The following CAST variants were observed in gnomAD, a reference collection of about 807,000 sequenced individuals.
CAST encodes MIR583 host.
Under a neutral mutation model 119.6 loss-of-function variants are expected in CAST, and 76 were observed. That is an observed-to-expected ratio of 0.64 (90% CI 0.53 to 0.77). The LOEUF is 0.77. CAST is among the 30% of genes least tolerant of loss of function. CAST has a pLI of 0.00. For synonymous variants in CAST, 319 were observed against 331.6 expected, an observed-to-expected ratio of 0.96 and a Z score of 0.41; for missense variants, 953 against 946.5, an observed-to-expected ratio of 1.01 and a Z score of -0.09.
chr5:96,714,752 G>GA (rs1276575551), intron 3 of CAST: 1 of 152,168 alleles, frequency 6.6e-6, no homozygotes, highest in African/African-American at 2.4e-5. Context: ...TCTATTCTTT[G>GA]ATGACTGACC....
the CAST span, among the ~76,000 whole-genome samples, chr5:96,197,050 T>C: frequency 6.6e-6 from 1 of 152,216 alleles, no homozygotes; most frequent in South Asian, 2.1e-4. Context: ...CTTGAACTTG[T>C]ATTTTTTGGC....
chr5:96,707,392 CTT>C (rs113091379), intron 3 of CAST, among the ~76,000 whole-genome samples: 1 of 145,394 alleles, frequency 6.9e-6, no homozygotes, highest in Non-Finnish European at 1.5e-5. Flanking sequence ...TTTAGTTAAC[CTT>C]TTTTTTTTTT....
At chr5:96,105,874 C>A in the CAST span, among the ~76,000 whole-genome samples, 2 of 152,040 alleles carry the variant, frequency 1.3e-5, no homozygotes, top group Admixed American at 1.3e-4. Context: ...CTGGACTCTT[C>A]TTGGTTGGTA....
intron 1 of CAST, among the ~76,000 whole-genome samples, chr5:96,596,450 C>T (rs887889805): frequency 6.6e-6 from 1 of 152,202 alleles, no homozygotes; most frequent in Admixed American, 6.5e-5. Flanking sequence ...CTCAATCAAA[C>T]TGATTTTTTG....
chr5:96,166,464 T>A, the CAST span, among the ~76,000 whole-genome samples: 1 of 152,158 alleles, frequency 6.6e-6, no homozygotes, highest in African/African-American at 2.4e-5. Context: ...GTGTGTGCCC[T>A]TCAGCTCACA....
At position 96,743,675 on chromosome 5, in the gene CAST, G is replaced by T. The variant is rs759899448; in HGVS notation, c.1200+919G>T. ...TTTCTTGGAGGGCTCACCGGCCACA[G>T]TGTGGCACGATAAGCTTTGTGACGG... On this transcript the variant is annotated intron_variant, in intron 16 of 31. Coordinates refer to ENST00000675179, the MANE Select transcript of CAST (RefSeq NM_001750.7). 3.7e-6 allele frequency: 6 copies of T among 1,613,168 alleles called. No individual in the cohort carries two copies. The African/African-American group carries it at 8.0e-5, about 22-fold the overall frequency.
chr5:96,689,407 AG>A (rs1752462395), intron 2 of CAST, among the ~76,000 whole-genome samples: 1 of 152,208 alleles, frequency 6.6e-6, no homozygotes, highest in Non-Finnish European at 1.5e-5. Context: ...AGGTATTTCT[AG>A]GTAATATATT....
chr5:96,539,210 C>T (rs1335900196), intron 1 of CAST, among the ~76,000 whole-genome samples: 1 of 152,020 alleles, frequency 6.6e-6, no homozygotes, highest in Non-Finnish European at 1.5e-5. Context: ...TGAGAAAAAC[C>T]GAAAAACTTA....
the CAST span, among the ~76,000 whole-genome samples, chr5:96,296,833 A>G: frequency 6.6e-6 from 1 of 152,198 alleles, no homozygotes; most frequent in Admixed American, 6.5e-5. Flanking sequence ...AGTTTTAATC[A>G]TGGACTGGTT....
the CAST span, among the ~76,000 whole-genome samples, chr5:96,353,567 T>C: frequency 3.3e-5 from 5 of 152,148 alleles, no homozygotes; most frequent in Non-Finnish European, 5.9e-5. Flanking sequence ...CCAATGTGAG[T>C]GTGCATCATC....
the CAST span, among the ~76,000 whole-genome samples, chr5:96,238,698 C>A: frequency 6.6e-6 from 1 of 151,958 alleles, no homozygotes; most frequent in Non-Finnish European, 1.5e-5. Context: ...CCGCGCCCAG[C>A]CTATATCTTC....
intron 9 of CAST, among the ~76,000 whole-genome samples, chr5:96,733,011 T>A (rs1455914134): frequency 2.6e-5 from 4 of 151,754 alleles, no homozygotes; most frequent in Admixed American, 1.3e-4. Flanking sequence ...ATAGGGAAAA[T>A]GAGTTTTAGG....
At chr5:96,438,906 A>T in the CAST span, among the ~76,000 whole-genome samples, 1 of 152,214 alleles carries the variant, frequency 6.6e-6, no homozygotes, top group African/African-American at 2.4e-5. Context: ...TGTGATATTC[A>T]TAACTTCTCA....
the CAST span, among the ~76,000 whole-genome samples, chr5:96,430,387 C>T: frequency 9.3e-3 from 1,415 of 152,260 alleles, 27 homozygotes; most frequent in African/African-American, 0.033. Flanking sequence ...TGATTCTCAT[C>T]GCCCAGAGAA....
chr5:96,424,961 C>CA, the CAST span, among the ~76,000 whole-genome samples: 41,497 of 94,588 alleles, frequency 0.44, 8,363 homozygotes, highest in East Asian at 0.53. Context: ...AAAACTCTGT[C>CA]AAAAAAAAAA....
chr5:96,443,088 T>A, the CAST span, among the ~76,000 whole-genome samples: 3 of 152,292 alleles, frequency 2.0e-5, no homozygotes, highest in East Asian at 5.8e-4. Flanking sequence ...AACAGAGTAA[T>A]GACTCAATGA....
At chr5:96,746,500 C>A in intron 17 of CAST, 75 bp downstream of exon 17, 2 of 883,996 alleles carry the variant, frequency 2.3e-6, no homozygotes, top group Non-Finnish European at 3.9e-6. Flanking sequence ...GTACCCTTGA[C>A]ATTGTCAAAG....
chr5:96,078,654 A>G, the CAST span, among the ~76,000 whole-genome samples: 2 of 152,210 alleles, frequency 1.3e-5, no homozygotes, highest in Non-Finnish European at 2.9e-5. Context: ...AAACAAACCA[A>G]GAAAGAACAA....
At chr5:96,351,838 TG>T in the CAST span, among the ~76,000 whole-genome samples, 3,784 of 152,218 alleles carry the variant, frequency 0.025, 154 homozygotes, top group African/African-American at 0.086. Context: ...GAGAAGAAGG[TG>T]GAGAAATTGG....
Sources: gnomAD v4.1 joint callset for allele counts (sites outside exome capture counted in the v4.1 genomes callset) on GRCh38, gnomAD v4.1.1 for gene constraint, MANE v1.5 for transcripts, NCBI Gene and HGNC (gene_info 2026-07-23, HGNC 2026-07-21) for gene names.